ITGA1: variants seen among roughly 807,000 people sequenced by gnomAD.
ITGA1 encodes integrin alpha-1.
A neutral mutation model predicts 145.9 loss-of-function variants in ITGA1; 85 were observed. The observed-to-expected ratio is 0.58, with a 90% confidence interval of 0.49 to 0.70. ITGA1 has a LOEUF of 0.70. Ranked by LOEUF, ITGA1 falls within the 30% of genes least tolerant of loss-of-function variation. The pLI, the probability that ITGA1 is intolerant of heterozygous loss-of-function variation, is 0.00. For missense variants in ITGA1, 1,351 were observed against 1,418.7 expected (o/e 0.95, Z 0.77); for synonymous variants, 520 against 495.3 (o/e 1.05, Z -0.66).
chr5:52,857,052 G>A lies in ITGA1; in HGVS notation c.183-4395G>A, dbSNP rs1242496880. Among the ~76,000 whole-genome samples, 4 of 152,144 alleles carry A rather than the reference G, an allele frequency of 2.6e-5. No homozygotes were observed. The East Asian group carries it at 7.7e-4, about 29-fold the overall frequency. On this transcript the variant is annotated intron_variant, in intron 2 of 28. Coordinates refer to ENST00000282588, the MANE Select transcript of ITGA1 (RefSeq NM_181501.2). Reference sequence around the variant, plus strand: ...TTCAAAAACAGGTAAAATGGAATCTGCAAAGGCCTTTTAAGGCCTAGCCTT... The same window carrying A: ...TTCAAAAACAGGTAAAATGGAATCTACAAAGGCCTTTTAAGGCCTAGCCTT...
chr5:52,874,316 C>T (rs1749832038), intron 6 of ITGA1, among the ~76,000 whole-genome samples: 1 of 151,900 alleles, frequency 6.6e-6, no homozygotes, highest in Admixed American at 6.6e-5. Context: ...GATAAAGTCC[C>T]TCTTGACTCC....
intron 2 of ITGA1, among the ~76,000 whole-genome samples, chr5:52,860,949 C>T (rs1207098692): frequency 6.6e-6 from 1 of 152,124 alleles, no homozygotes; most frequent in Non-Finnish European, 1.5e-5. Flanking sequence ...TTATGATGTT[C>T]CAATGTTTAT....
intron 6 of ITGA1, among the ~76,000 whole-genome samples, chr5:52,881,086 G>A (rs1345579285): frequency 6.6e-6 from 1 of 152,126 alleles, no homozygotes; most frequent in African/African-American, 2.4e-5. Flanking sequence ...AAGGAGGAAG[G>A]CAGTAGGAAA....
rs1751335424 is a variant in ITGA1 at position 52,958,596 on chromosome 5, C to T, written c.*6145C>T. 1.3e-5 allele frequency: 2 copies of T among 152,182 alleles called. No homozygotes were observed. The highest frequency in any genetic ancestry group is 2.4e-5 in the African/African-American group (1 of 41,454). 9.4% of individuals were successfully genotyped at this position (152,182 alleles called of 1,614,324 possible). A position where few individuals can be genotyped will look rare whatever the true frequency, so the allele number is the denominator to read the frequency against. ...TACTCAGGATGCAAGAGATGCTCTG[C>T]ATTCCTTATTAGGAAAAATTGGCCT... On this transcript the variant is annotated 3_prime_UTR_variant, in exon 29 of 29. Coordinates refer to ENST00000282588, the MANE Select transcript of ITGA1 (RefSeq NM_181501.2).
At chr5:52,793,265 T>A (rs893348722) in intron 1 of ITGA1, among the ~76,000 whole-genome samples, 1 of 152,104 alleles carries the variant, frequency 6.6e-6, no homozygotes, top group African/African-American at 2.4e-5. Context: ...AGGCACTTTT[T>A]AATTGAATGA....
chr5:52,955,339 CGATAGACAGATA>C lies in ITGA1; in HGVS notation c.*2895_*2906del, dbSNP rs1263837932. 4 of 133,176 alleles carry C rather than the reference CGATAGACAGATA, an allele frequency of 3.0e-5. No homozygotes were observed. The highest frequency in any genetic ancestry group is 4.8e-5 in the Non-Finnish European group (3 of 62,376). 8.2% of individuals were successfully genotyped at this position (133,176 alleles called of 1,614,324 possible). ...CAGCACACCACTGAGACAGATTACA[CGATAGACAGATA>C]GATAGATAGATAGATAGATAGATAG... is the stretch of plus-strand genomic sequence containing the variant. On this transcript the variant is annotated 3_prime_UTR_variant, in exon 29 of 29. Coordinates refer to ENST00000282588, the MANE Select transcript of ITGA1 (RefSeq NM_181501.2).
intron 1 of ITGA1, among the ~76,000 whole-genome samples, chr5:52,836,879 G>A (rs767564249): frequency 2.6e-5 from 4 of 151,848 alleles, no homozygotes; most frequent in Non-Finnish European, 4.4e-5. Flanking sequence ...CTGTTACTAC[G>A]TCTTCAAATG....
At chr5:52,866,462 G>C (rs777698663) in intron 6 of ITGA1, among the ~76,000 whole-genome samples, 1 of 151,988 alleles carries the variant, frequency 6.6e-6, no homozygotes, top group Non-Finnish European at 1.5e-5. Context: ...TGTCAGAGCC[G>C]GGTGTCAGAG....
At chr5:52,799,037 T>C (rs1186379394) in intron 1 of ITGA1, among the ~76,000 whole-genome samples, 1 of 152,174 alleles carries the variant, frequency 6.6e-6, no homozygotes, top group African/African-American at 2.4e-5. Flanking sequence ...TTCCTTCCTT[T>C]CATCCCTGTT....
intron 1 of ITGA1, chr5:52,800,170 G>A (rs750439128): frequency 1.1e-4 from 66 of 575,280 alleles, no homozygotes; most frequent in Non-Finnish European, 1.8e-4. Context: ...TGTTCCCCGA[G>A]CCTGTTAGAC....
intron 22 of ITGA1, 149 bp from the exon 23 acceptor site, chr5:52,933,745 T>G (rs181193436): frequency 2.7e-6 from 1 of 375,286 alleles, no homozygotes; most frequent in East Asian, 4.2e-5. Flanking sequence ...AGATTTAATT[T>G]TACGTTTCAA....
chr5:52,813,853 C>T (rs1748722476), intron 1 of ITGA1, among the ~76,000 whole-genome samples: 1 of 152,160 alleles, frequency 6.6e-6, no homozygotes, highest in African/African-American at 2.4e-5. Context: ...TATTCACTAA[C>T]CATTTTAAAG....
intron 20 of ITGA1, among the ~76,000 whole-genome samples, chr5:52,929,297 G>A (rs1368396753): frequency 6.6e-6 from 1 of 152,042 alleles, no homozygotes; most frequent in African/African-American, 2.4e-5. Context: ...ACTCATGAGG[G>A]CTCTGCCCTT....
rs1459133643 is a variant in ITGA1 at position 52,905,877 on chromosome 5, T to A, written c.1424T>A (p.Ile475Asn). Residue 475 changes from isoleucine (I) to asparagine (N), a missense_variant, in exon 12 of 29, where the codon ATC (isoleucine) becomes AAC (asparagine). Transcript: ENST00000282588. ...ATCTACAGGATGGAAGATGGAAACA[T>A]CAAAATTCTCCAGACGCTCAGTGGA... is the stretch of plus-strand genomic sequence containing the variant. ...VIIYRMEDGN[I>N]KILQTLSGEQ... 3 of 1,613,208 alleles carry A rather than the reference T, an allele frequency of 1.9e-6. No homozygotes were observed. The highest frequency in any genetic ancestry group is 2.2e-5 in the East Asian group (1 of 44,858).
intron 8 of ITGA1, among the ~76,000 whole-genome samples, chr5:52,891,164 T>G (rs1399300071): frequency 6.6e-6 from 1 of 152,168 alleles, no homozygotes; most frequent in East Asian, 1.9e-4. Flanking sequence ...ATATCTTGTC[T>G]ATTGTAAACA....
chr5:52,922,224 C>G (rs1411246419), intron 17 of ITGA1, among the ~76,000 whole-genome samples: 1 of 152,062 alleles, frequency 6.6e-6, no homozygotes, highest in Non-Finnish European at 1.5e-5. Context: ...TCACTTGAAC[C>G]TGGGAAGTGG....
At chr5:52,915,924 G>A (rs1212288390) in intron 15 of ITGA1, among the ~76,000 whole-genome samples, 1 of 152,164 alleles carries the variant, frequency 6.6e-6, no homozygotes, top group East Asian at 1.9e-4. Flanking sequence ...ATATTTGGTT[G>A]CTTACAAGGT....
At chr5:52,850,791 C>G (rs563947743) in intron 2 of ITGA1, among the ~76,000 whole-genome samples, 1 of 152,148 alleles carries the variant, frequency 6.6e-6, no homozygotes, top group African/African-American at 2.4e-5. Flanking sequence ...TTTTAAGTTC[C>G]CTTTCCCTCC....
intron 12 of ITGA1, among the ~76,000 whole-genome samples, chr5:52,906,131 G>A (rs1750401545): frequency 6.6e-6 from 1 of 152,114 alleles, no homozygotes; most frequent in African/African-American, 2.4e-5. Context: ...GGATACAGAT[G>A]TACAAATATA....
Sources: allele counts gnomAD v4.1 joint callset (sites outside exome capture counted in the v4.1 genomes callset), GRCh38; gene constraint gnomAD v4.1.1; transcripts MANE v1.5; gene names NCBI Gene and HGNC (gene_info 2026-07-23, HGNC 2026-07-21).